LHFPL6: variants seen among roughly 807,000 people sequenced by gnomAD.
LHFPL6 encodes the protein LHFPL tetraspan subfamily member 6 protein.
Under a neutral mutation model 20.6 loss-of-function variants are expected in LHFPL6, and 9 were observed. The observed-to-expected ratio is 0.44, with a 90% CI of 0.26 to 0.76. The LOEUF (loss-of-function observed/expected upper bound fraction) is 0.76. Among genes scored for constraint, LHFPL6 ranks in the 30% least tolerant of loss-of-function variants. The pLI is 0.20. For synonymous variants in LHFPL6, 105 were observed against 98.7 expected, an observed-to-expected ratio of 1.06 and a Z score of -0.38; for missense variants, 218 against 253.5, an observed-to-expected ratio of 0.86 and a Z score of 0.95.
intron 2 of LHFPL6, among the ~76,000 whole-genome samples, chr13:39,523,912 C>T (rs772829334): frequency 6.6e-6 from 1 of 151,690 alleles, no homozygotes; most frequent in Non-Finnish European, 1.5e-5. Flanking sequence ...AATAAGCTGG[C>T]GAGCTTCAAA....
intron 2 of LHFPL6, among the ~76,000 whole-genome samples, chr13:39,555,064 T>A (rs887047266): frequency 2.6e-5 from 4 of 152,176 alleles, no homozygotes; most frequent in Non-Finnish European, 4.4e-5. Context: ...TTATCAAAAA[T>A]AAAAGATTAC....
chr13:39,565,964 T>A (rs1292707706), intron 2 of LHFPL6, among the ~76,000 whole-genome samples: 2 of 152,160 alleles, frequency 1.3e-5, no homozygotes, highest in Non-Finnish European at 2.9e-5. Context: ...AGAAAAACAG[T>A]AAGGACATTT....
intron 2 of LHFPL6, among the ~76,000 whole-genome samples, chr13:39,409,091 C>T (rs1871190137): frequency 6.6e-6 from 1 of 152,114 alleles, no homozygotes; most frequent in Admixed American, 6.5e-5. Context: ...GCGCCAAATG[C>T]CTTTTGTTTC....
At chr13:39,531,646 C>T (rs1165155927) in intron 2 of LHFPL6, among the ~76,000 whole-genome samples, 3 of 152,064 alleles carry the variant, frequency 2.0e-5, no homozygotes, top group Admixed American at 6.6e-5. Flanking sequence ...TTCTAAGATC[C>T]GCAGCTTCCC....
Position 39,343,799 on chromosome 13 carries a change from A to T in LHFPL6, c.*137T>A. Reference sequence around the variant, plus strand: ...CCTTCCTTCCTATATCATGTTCCTGATTTTATCGGGTTTCATTTTATTAGC... The same window carrying T: ...CCTTCCTTCCTATATCATGTTCCTGTTTTTATCGGGTTTCATTTTATTAGC... On this transcript the variant is annotated 3_prime_UTR_variant, in exon 4 of 4. Coordinates refer to ENST00000379589, the MANE Select transcript of LHFPL6 (RefSeq NM_005780.3). 1.7e-6 allele frequency: 1 copy of T among 589,998 alleles called. No individual in the cohort carries two copies. Among genetic ancestry groups the T allele is most frequent in the Non-Finnish European group, 3.0e-6 (1 of 338,408 alleles). The allele number at this position is 589,998 out of a possible 1,614,324, so 36.5% of individuals were successfully genotyped here.
intron 2 of LHFPL6, among the ~76,000 whole-genome samples, chr13:39,460,034 C>G (rs1872654055): frequency 6.7e-6 from 1 of 149,328 alleles, no homozygotes; most frequent in Admixed American, 6.7e-5. Context: ...GTATCTTAAT[C>G]CCTCCCCTTC....
chr13:39,539,202 T>A (rs1411836746), intron 2 of LHFPL6, among the ~76,000 whole-genome samples: 1 of 152,204 alleles, frequency 6.6e-6, no homozygotes, highest in Non-Finnish European at 1.5e-5. Flanking sequence ...AGCCTTTTAG[T>A]TCTTTTTCTT....
In LHFPL6 at chr13:39,487,746, C is replaced by T. The variant is rs558045994; in HGVS notation, c.386-109220G>A. 3.3e-5 allele frequency among the ~76,000 whole-genome samples: 5 copies of T among 152,272 alleles called. No individual in the cohort carries two copies. The South Asian group carries it at 8.3e-4, about 25-fold the overall frequency. Reference sequence around the variant, plus strand: ...TCTCTAGGCCGGGTGCGGTGGCTCACGCCTGTAATCCCAGCACTTTGGGAG... The same window carrying T: ...TCTCTAGGCCGGGTGCGGTGGCTCATGCCTGTAATCCCAGCACTTTGGGAG... On this transcript the variant is annotated intron_variant, in intron 2 of 3. Transcript: ENST00000379589.
At chr13:39,497,843 C>A (rs1296865379) in intron 2 of LHFPL6, among the ~76,000 whole-genome samples, 1 of 152,120 alleles carries the variant, frequency 6.6e-6, no homozygotes, top group Non-Finnish European at 1.5e-5. Context: ...ATTTCAGTAG[C>A]AATCTTTTTA....
In LHFPL6 at chr13:39,541,110, C is replaced by CAAAA. The variant is rs1170448031; in HGVS notation, c.385+59721_385+59722insTTTT. On this transcript the variant is annotated intron_variant, in intron 2 of 3. Coordinates refer to ENST00000379589, the MANE Select transcript of LHFPL6 (RefSeq NM_005780.3). The stretch of plus-strand genomic sequence containing the variant: ...GTAGCCAGTGTTTTGTTAATGATAA[C>CAAAA]CATCAGAGTACACAGCATGGGAACA... Among the ~76,000 whole-genome samples the CAAAA allele has an allele frequency of 3.9e-5, 6 of 152,224 alleles. No homozygotes were observed. In the East Asian group the frequency reaches 9.7e-4, roughly 24 times the overall value.
chr13:39,601,697 A>G (rs1262378442), intron 1 of LHFPL6, among the ~76,000 whole-genome samples: 1 of 152,244 alleles, frequency 6.6e-6, no homozygotes, highest in East Asian at 1.9e-4. Flanking sequence ...ACTCACATTA[A>G]AAGTAATGTA....
At chr13:39,472,163 C>T (rs552125081) in intron 2 of LHFPL6, among the ~76,000 whole-genome samples, 4 of 152,286 alleles carry the variant, frequency 2.6e-5, no homozygotes, top group East Asian at 3.9e-4. Flanking sequence ...TAGAAACATG[C>T]CTTCTCCTTG....
chr13:39,536,628 C>T (rs1325433989), intron 2 of LHFPL6, among the ~76,000 whole-genome samples: 1 of 152,182 alleles, frequency 6.6e-6, no homozygotes, highest in Non-Finnish European at 1.5e-5. Context: ...CCACAGGTCT[C>T]AGACTATTGT....
chr13:39,467,161 G>C (rs7322023), intron 2 of LHFPL6, among the ~76,000 whole-genome samples: 83,866 of 151,818 alleles, frequency 0.55, 24,373 homozygotes, highest in East Asian at 0.88. Flanking sequence ...CTTAACTGCC[G>C]TTATTCATCT....
Position 39,601,046 on chromosome 13 carries a change from C to G in LHFPL6, c.171G>C (p.Glu57Asp), listed in dbSNP as rs760685268. 8.1e-6 allele frequency: 13 copies of G among 1,614,212 alleles called. No individual in the cohort carries two copies. The highest frequency in any genetic ancestry group is 2.2e-5 in the East Asian group (1 of 44,876). Residue 57 changes from glutamate (E) to aspartate (D), a missense_variant, in exon 2 of 4, where the codon GAG becomes GAC. By Grantham distance (45) the Glu-to-Asp change is conservative. Transcript: ENST00000379589. ...CCACCATCACCATCATCTGCCGACT[C>G]TCATCATGCACAGGATATGAGCACC... ...FRRCSYPVHD[E>D]SRQMMVMVEE... is the part of the protein sequence containing the mutation.
intron 3 of LHFPL6, among the ~76,000 whole-genome samples, chr13:39,356,378 G>A (rs1462519606): frequency 6.6e-6 from 1 of 152,126 alleles, no homozygotes; most frequent in Non-Finnish European, 1.5e-5. Context: ...AAGAAGTGTT[G>A]AGAGGACACT....
At position 39,351,673 on chromosome 13, in the gene LHFPL6, C is replaced by T. The variant is rs570739460; in HGVS notation, c.485-7619G>A. 2.0e-5 allele frequency among the ~76,000 whole-genome samples: 3 copies of T among 152,240 alleles called. No individual in the cohort carries two copies. The South Asian group carries it at 6.2e-4, about 31-fold the overall frequency. On this transcript the variant is annotated intron_variant, in intron 3 of 3. Transcript: ENST00000379589. The stretch of plus-strand genomic sequence containing the variant: ...TCCTTGTGGATGAACTATAACCTAG[C>T]TTAATAGGCAGACAAGATTGAAAAC...
intron 2 of LHFPL6, among the ~76,000 whole-genome samples, chr13:39,583,274 G>C (rs916960436): frequency 1.4e-5 from 2 of 147,642 alleles, no homozygotes; most frequent in Non-Finnish European, 3.0e-5. Flanking sequence ...CCAGGCTCAA[G>C]TGATCCTCCC....
chr13:39,501,389 T>C (rs1869289577), intron 2 of LHFPL6, among the ~76,000 whole-genome samples: 1 of 151,780 alleles, frequency 6.6e-6, no homozygotes, highest in South Asian at 2.1e-4. Context: ...CAGCCCAGAA[T>C]TTTTTTTTAC....
Sources: allele counts gnomAD v4.1 joint callset (sites outside exome capture counted in the v4.1 genomes callset), GRCh38; gene constraint gnomAD v4.1.1; transcripts MANE v1.5; gene names NCBI Gene and HGNC (gene_info 2026-07-23, HGNC 2026-07-21).